The following EPG5 variants were observed in gnomAD, a reference collection of about 807,000 sequenced individuals.
EPG5 encodes the protein ectopic P granules protein 5 homolog.
Under a neutral mutation model 302.7 loss-of-function variants are expected in EPG5, and 159 were observed. The ratio of observed to expected loss-of-function variants is 0.53; its 90% CI spans 0.46 to 0.60. The LOEUF is 0.60. Ranked by LOEUF, EPG5 falls within the 20% of genes least tolerant of loss-of-function variation. EPG5 has a pLI of 0.00. For missense variants in EPG5, 2,896 were observed against 3,092.4 expected, an observed-to-expected ratio of 0.94 and a Z score of 1.51; for synonymous variants, 1,158 against 1,136.8, an observed-to-expected ratio of 1.02 and a Z score of -0.37.
intron 27 of EPG5, among the ~76,000 whole-genome samples, chr18:45,894,971 G>A (rs1237973830): frequency 6.6e-6 from 1 of 152,172 alleles, no homozygotes; most frequent in African/African-American, 2.4e-5. Context: ...ACTAGGCAGG[G>A]AGAGAGATAT....
At chr18:45,896,718 TATA>T (rs1235105089) in intron 27 of EPG5, among the ~76,000 whole-genome samples, 1 of 152,102 alleles carries the variant, frequency 6.6e-6, no homozygotes, top group Non-Finnish European at 1.5e-5. Context: ...CTTATTTTTG[TATA>T]ATATTTTTTG....
the EPG5 span, among the ~76,000 whole-genome samples, chr18:45,836,020 C>G: frequency 6.6e-5 from 10 of 152,210 alleles, no homozygotes; most frequent in South Asian, 1.9e-3. Flanking sequence ...TGTGGGCGGC[C>G]GGAGATTTTG....
At chr18:45,884,530 T>C in intron 30 of EPG5, 87 bp downstream of exon 30, 1 of 1,273,026 alleles carries the variant, frequency 7.9e-7, no homozygotes, top group Admixed American at 2.5e-5. Context: ...GAAACAAAAC[T>C]GCAGAGGTCC....
the EPG5 span, among the ~76,000 whole-genome samples, chr18:45,836,528 C>T: frequency 3.9e-5 from 6 of 152,200 alleles, no homozygotes; most frequent in African/African-American, 1.4e-4. Context: ...ACCACACACA[C>T]CCTGCAGTTC....
intron 21 of EPG5, among the ~76,000 whole-genome samples, chr18:45,913,106 A>G (rs2049947485): frequency 6.6e-6 from 1 of 151,638 alleles, no homozygotes; most frequent in South Asian, 2.1e-4. Context: ...AAAAAAAAAG[A>G]AAAAGAAAAA....
chr18:45,819,356 G>A, the EPG5 span, among the ~76,000 whole-genome samples: 1 of 151,914 alleles, frequency 6.6e-6, no homozygotes, highest in Non-Finnish European at 1.5e-5. Context: ...CCTCTGCTTG[G>A]CAGGCTATTT....
rs558430176 is a variant in EPG5 at position 45,879,557 on chromosome 18, C to G, written c.5668-343G>C. On this transcript the variant is annotated intron_variant, in intron 32 of 43. Transcript: ENST00000282041. ...TCATTTTTGTATTCTTTAGTAGAGA[C>G]AGGGTTTCACCATGTTGCCCAGGCT... Among the ~76,000 whole-genome samples the G allele has an allele frequency of 3.3e-5, 5 of 152,250 alleles. No individual in the cohort carries two copies. In the East Asian group the frequency reaches 9.7e-4, roughly 29 times the overall value.
intron 2 of EPG5, chr18:45,953,207 G>T: frequency 1.2e-6 from 1 of 842,212 alleles, no homozygotes; most frequent in Non-Finnish European, 1.4e-6. Context: ...AAAGCTGCAA[G>T]AAAATAATAG....
chr18:45,948,797 G>T (rs912259799), intron 5 of EPG5, among the ~76,000 whole-genome samples: 1 of 152,096 alleles, frequency 6.6e-6, no homozygotes, highest in Admixed American at 6.6e-5. Context: ...CCAATTATCT[G>T]TAACAACATG....
At chr18:45,839,229 C>G in the EPG5 span, 1 of 1,225,682 alleles carries the variant, frequency 8.2e-7, no homozygotes, top group Non-Finnish European at 1.0e-6. Context: ...TGGCGCTTTC[C>G]TCTCTTTGCA....
chr18:45,809,702 C>T, the EPG5 span, among the ~76,000 whole-genome samples: 1 of 151,956 alleles, frequency 6.6e-6, no homozygotes, highest in African/African-American at 2.4e-5. Flanking sequence ...CTATCAAAAC[C>T]TCTGGGATAC....
In EPG5 at chr18:45,923,308, T is replaced by G; in HGVS notation, c.2798A>C (p.Gln933Pro). The G allele has an allele frequency of 1.2e-6, 2 of 1,614,054 alleles. No homozygotes were observed. Among genetic ancestry groups the G allele is most frequent in the Non-Finnish European group, 8.5e-7 (1 of 1,179,962 alleles). Residue 933 changes from glutamine to proline, a missense_variant, in exon 15 of 44, where the codon CAG becomes CCG. Around this residue, in one of 5 missense-constraint regions of EPG5, gnomAD observed 1,390 missense variants for 1,430.0 expected, o/e 0.97. Coordinates refer to ENST00000282041, the MANE Select transcript of EPG5 (RefSeq NM_020964.3). Reference protein sequence around the residue: ...VLEAYQKYLAQKPYAGILSES... With the variant: ...VLEAYQKYLAPKPYAGILSES... ...AGAGAGAATCCCAGCATATGGCTTCTGTGCAAGGTACTTCTGATAAGCTTC... is the reference window on the plus strand; with the variant it reads ...AGAGAGAATCCCAGCATATGGCTTCGGTGCAAGGTACTTCTGATAAGCTTC...
intron 27 of EPG5, among the ~76,000 whole-genome samples, chr18:45,898,319 T>G (rs935101709): frequency 6.6e-6 from 1 of 152,228 alleles, no homozygotes; most frequent in Non-Finnish European, 1.5e-5. Context: ...AACTTCTCTG[T>G]GACTCTACTT....
intron 1 of EPG5, among the ~76,000 whole-genome samples, chr18:45,960,810 A>C (rs2051132366): frequency 6.6e-6 from 1 of 152,170 alleles, no homozygotes; most frequent in South Asian, 2.1e-4. Flanking sequence ...ATCAGAAAGT[A>C]ATCATTTAAA....
intron 26 of EPG5, among the ~76,000 whole-genome samples, chr18:45,900,110 A>T (rs1203439310): frequency 1.3e-5 from 2 of 152,190 alleles, no homozygotes; most frequent in African/African-American, 2.4e-5. Context: ...ACTGATAAGA[A>T]ATTGATTCAT....
the EPG5 span, among the ~76,000 whole-genome samples, chr18:45,821,236 C>G: frequency 1.3e-5 from 2 of 152,178 alleles, no homozygotes; most frequent in African/African-American, 4.8e-5. Flanking sequence ...ACATGTGTTT[C>G]CTGTGCTCTC....
chr18:45,911,128 C>T (rs868801139), intron 22 of EPG5, among the ~76,000 whole-genome samples: 16 of 130,042 alleles, frequency 1.2e-4, no homozygotes, highest in African/African-American at 3.4e-4. Flanking sequence ...TATATATATA[C>T]ATTTTTTTTT....
the EPG5 span, chr18:45,836,983 T>C: frequency 1.0e-6 from 1 of 993,522 alleles, no homozygotes; most frequent in Non-Finnish European, 1.6e-6. Flanking sequence ...TCTCTGAGCC[T>C]CAGTTTATTC....
intron 35 of EPG5, among the ~76,000 whole-genome samples, chr18:45,875,088 G>C (rs138480189): frequency 0.011 from 1,749 of 152,216 alleles, 13 homozygotes; most frequent in Middle Eastern, 0.024. Context: ...GTGAGTTTGG[G>C]GTTTCATTTC....
Sources: allele counts gnomAD v4.1 joint callset (sites outside exome capture counted in the v4.1 genomes callset), GRCh38; gene constraint gnomAD v4.1.1; regional missense constraint gnomAD v4.1.1; transcripts MANE v1.5; gene names NCBI Gene and HGNC (gene_info 2026-07-23, HGNC 2026-07-21).